The following PRUNE2 variants were observed in gnomAD, a reference collection of about 807,000 sequenced individuals.
The protein encoded by PRUNE2 is protein prune homolog 2.
In PRUNE2, 164 loss-of-function variants were observed where a neutral mutation model predicts 252.0. The observed-to-expected ratio is 0.65, with a 90% confidence interval of 0.57 to 0.74. The LOEUF is 0.74. Ranked by LOEUF, PRUNE2 falls within the 30% of genes least tolerant of loss-of-function variation. The pLI is 0.00. For missense variants in PRUNE2, 3,495 were observed against 3,711.0 expected (o/e 0.94, Z 1.51); for synonymous variants, 1,292 against 1,350.2 (o/e 0.96, Z 0.94).
intron 4 of PRUNE2, among the ~76,000 whole-genome samples, chr9:76,833,286 A>G (rs550478625): frequency 2.0e-5 from 3 of 152,224 alleles, no homozygotes; most frequent in Non-Finnish European, 2.9e-5. Flanking sequence ...AGTACAAATT[A>G]ACATTCAAAA....
At chr9:76,730,759 G>A (rs1050334787) in intron 6 of PRUNE2, among the ~76,000 whole-genome samples, 2 of 152,146 alleles carry the variant, frequency 1.3e-5, no homozygotes, top group Admixed American at 1.3e-4. Context: ...AATTAGCCGA[G>A]TGTGGTGGTG....
chr9:76,657,430 A>AATAG (rs1477798784), intron 9 of PRUNE2, among the ~76,000 whole-genome samples: 1 of 152,260 alleles, frequency 6.6e-6, no homozygotes, highest in African/African-American at 2.4e-5. Flanking sequence ...ATGGTTTTAA[A>AATAG]ATAGATAGGA....
Position 76,704,924 on chromosome 9 carries a change from C to A in PRUNE2, c.7350G>T (p.Leu2450=). The stretch of plus-strand genomic sequence containing the variant: ...GCAGCACAGCCAGCTGGGATCCAGG[C>A]AGTCTGTTTTTGGTCTCAGCCTGGT... ...EGNQAETKNR[L]PGSQLAVLHI... The change falls in exon 8 of 19, where the codon CTG becomes CTT. Residue 2450 remains leucine (L), a synonymous_variant. Transcript: ENST00000376718. 1 of 1,612,166 alleles carries A rather than the reference C, an allele frequency of 6.2e-7. No individual in the cohort carries two copies. Among genetic ancestry groups the A allele is most frequent in the Non-Finnish European group, 8.5e-7 (1 of 1,178,986 alleles).
chr9:76,692,499 C>A, intron 9 of PRUNE2: 1 of 207,600 alleles, frequency 4.8e-6, no homozygotes, highest in South Asian at 1.0e-4. Context: ...CAGCACATAC[C>A]TATATGACAG....
chr9:76,676,270 A>ATT (rs5898498), intron 9 of PRUNE2, among the ~76,000 whole-genome samples: 115 of 145,472 alleles, frequency 7.9e-4, no homozygotes, highest in Admixed American at 1.2e-3. Flanking sequence ...TTCCACTCAA[A>ATT]TTTTTTTTTT....
At chr9:76,846,400 C>T (rs758114316) in intron 4 of PRUNE2, 115 bp downstream of exon 4, 6 of 801,120 alleles carry the variant, frequency 7.5e-6, no homozygotes, top group East Asian at 5.0e-5. Flanking sequence ...TGAAGCTTCC[C>T]GTGGTCTTTA....
intron 6 of PRUNE2, among the ~76,000 whole-genome samples, chr9:76,814,416 C>T (rs2057550127): frequency 6.6e-6 from 1 of 152,120 alleles, no homozygotes; most frequent in Non-Finnish European, 1.5e-5. Flanking sequence ...TGACAAGTAC[C>T]AATTGAGTTC....
chr9:76,841,793 C>T (rs1368610862), intron 4 of PRUNE2, among the ~76,000 whole-genome samples: 1 of 152,132 alleles, frequency 6.6e-6, no homozygotes, highest in Non-Finnish European at 1.5e-5. Flanking sequence ...AGGCAGCAAC[C>T]CCAGTCAGGG....
chr9:76,766,041 C>T (rs954251524), intron 6 of PRUNE2, among the ~76,000 whole-genome samples: 8 of 151,690 alleles, frequency 5.3e-5, no homozygotes, highest in African/African-American at 1.2e-4. Flanking sequence ...AAAATAGCCG[C>T]GCGTGGTGGC....
intron 16 of PRUNE2, among the ~76,000 whole-genome samples, chr9:76,626,012 T>C (rs1278280842): frequency 6.6e-6 from 1 of 152,186 alleles, no homozygotes; most frequent in Non-Finnish European, 1.5e-5. Context: ...CTGTTGGCCA[T>C]GAGTTCAATG....
At chr9:76,634,433 C>A (rs1839112827) in intron 15 of PRUNE2, among the ~76,000 whole-genome samples, 1 of 152,054 alleles carries the variant, frequency 6.6e-6, no homozygotes, top group South Asian at 2.1e-4. Flanking sequence ...AACAAAATTC[C>A]AACCTAACTT....
At chr9:76,641,394 G>A (rs1183444524) in intron 12 of PRUNE2, among the ~76,000 whole-genome samples, 1 of 152,078 alleles carries the variant, frequency 6.6e-6, no homozygotes, top group Non-Finnish European at 1.5e-5. Context: ...GGCAGGCTTG[G>A]GAGATATTTC....
chr9:76,663,751 G>A (rs1201364895), intron 9 of PRUNE2, among the ~76,000 whole-genome samples: 1 of 152,194 alleles, frequency 6.6e-6, no homozygotes, highest in East Asian at 1.9e-4. Context: ...GGCTGTGAAT[G>A]ATGGATGCAT....
chr9:76,621,836 C>T (rs1832443781), intron 17 of PRUNE2, among the ~76,000 whole-genome samples: 1 of 152,070 alleles, frequency 6.6e-6, no homozygotes, highest in Admixed American at 6.5e-5. Flanking sequence ...CACATACCAC[C>T]ATACTTGGCT....
intron 12 of PRUNE2, 36 bp from the exon 13 acceptor site, chr9:76,638,324 G>A: frequency 7.0e-7 from 1 of 1,430,340 alleles, no homozygotes; most frequent in Non-Finnish European, 9.8e-7. Flanking sequence ...GTAACCAATT[G>A]AAAGCTCTTA....
chr9:76,716,325 C>T (rs532511191), intron 6 of PRUNE2, among the ~76,000 whole-genome samples: 2 of 152,188 alleles, frequency 1.3e-5, no homozygotes, highest in Non-Finnish European at 2.9e-5. Context: ...GCAGAGTCTC[C>T]GGCAAAACAC....
chr9:76,766,875 AC>A (rs1383255128), intron 6 of PRUNE2, among the ~76,000 whole-genome samples: 2 of 152,068 alleles, frequency 1.3e-5, no homozygotes, highest in African/African-American at 4.8e-5. Context: ...GTCACTGTCA[AC>A]TCATACACAG....
intron 9 of PRUNE2, chr9:76,692,261 T>G: frequency 1.5e-6 from 1 of 677,566 alleles, no homozygotes; most frequent in Non-Finnish European, 2.7e-6. Context: ...GCAGCCGCTG[T>G]GGCTAGGGGG....
At chr9:76,826,831 C>T in intron 4 of PRUNE2, 99 bp from the exon 5 acceptor site, 1 of 1,000,392 alleles carries the variant, frequency 1.0e-6, no homozygotes, top group East Asian at 2.5e-5. Context: ...CTAAGCTTTC[C>T]ATTTCTGTCT....
Sources: gnomAD v4.1 joint callset for allele counts (sites outside exome capture counted in the v4.1 genomes callset) on GRCh38, gnomAD v4.1.1 for gene constraint, MANE v1.5 for transcripts, NCBI Gene and HGNC (gene_info 2026-07-23, HGNC 2026-07-21) for gene names.